The following NRG1 variants were observed in gnomAD, a reference collection of about 807,000 sequenced individuals.
NRG1 encodes pro-neuregulin-1, membrane-bound isoform.
A neutral mutation model predicts 63.8 loss-of-function variants in NRG1; 18 were observed. That is an observed-to-expected ratio of 0.28 (90% CI 0.19 to 0.42). NRG1 has a LOEUF of 0.42. Ranked by LOEUF, NRG1 falls within the 10% of genes least tolerant of loss-of-function variation. The pLI is 1.00. For missense variants in NRG1, 762 were observed against 814.7 expected (o/e 0.94, Z 0.79); for synonymous variants, 302 against 301.3 (o/e 1.00, Z -0.02).
At chr8:32,474,677 G>T (rs6983478) in intron 1 of NRG1, among the ~76,000 whole-genome samples, 86,985 of 151,222 alleles carry the variant, frequency 0.58, 25,686 homozygotes, top group African/African-American at 0.61. Flanking sequence ...GTGTGTGTGT[G>T]TTTTTTTTAG....
chr8:32,222,491 G>GA (rs1182850592), intron 1 of NRG1, among the ~76,000 whole-genome samples: 1 of 151,882 alleles, frequency 6.6e-6, no homozygotes, highest in Non-Finnish European at 1.5e-5. Context: ...AAGAAAGAAA[G>GA]AAAAAAAGAA....
Position 32,049,883 on chromosome 8 carries a change from G to A in NRG1, c.37+410452G>A, listed in dbSNP as rs182503177. On this transcript the variant is annotated intron_variant, in intron 1 of 10. Coordinates refer to the NRG1 transcript ENST00000519301. ...TCCTGATGAGCTCTGAGCCTTCTCAGTGCTATGAGTATTTACATCAGGCAG... is the reference window on the plus strand; with the variant it reads ...TCCTGATGAGCTCTGAGCCTTCTCAATGCTATGAGTATTTACATCAGGCAG... Among the ~76,000 whole-genome samples, 57 of 152,230 alleles carry A rather than the reference G, an allele frequency of 3.7e-4. 1 individual carries two copies. The East Asian group carries it at 9.7e-3, about 26-fold the overall frequency.
chr8:32,660,368 G>A (rs904181944), intron 5 of NRG1, among the ~76,000 whole-genome samples: 10 of 152,128 alleles, frequency 6.6e-5, no homozygotes, highest in African/African-American at 2.4e-4. Flanking sequence ...TTACACTGAG[G>A]GTAACTTGCT....
At chr8:32,609,647 C>A in intron 3 of NRG1, among the ~76,000 whole-genome samples, 1 of 126,366 alleles carries the variant, frequency 7.9e-6, no homozygotes, top group East Asian at 2.7e-4. Flanking sequence ...CTCTGTCTGT[C>A]TCTCTCTCTC....
intron 1 of NRG1, among the ~76,000 whole-genome samples, chr8:31,704,862 T>C (rs1810988444): frequency 6.6e-6 from 1 of 150,764 alleles, no homozygotes; most frequent in South Asian, 2.1e-4. Context: ...AATTACTTAC[T>C]ATGATTCTCT....
At chr8:31,912,406 T>C (rs1833019734) in intron 1 of NRG1, among the ~76,000 whole-genome samples, 1 of 151,994 alleles carries the variant, frequency 6.6e-6, no homozygotes, top group Non-Finnish European at 1.5e-5. Flanking sequence ...TGGCTGGCAG[T>C]GTGGGGACCC....
intron 1 of NRG1, among the ~76,000 whole-genome samples, chr8:31,922,092 T>G (rs531216540): frequency 6.6e-6 from 1 of 152,326 alleles, no homozygotes; most frequent in African/African-American, 2.4e-5. Context: ...TTTTAGGAAT[T>G]ATTCTAATGA....
At chr8:32,210,665 G>A (rs975935827) in intron 1 of NRG1, among the ~76,000 whole-genome samples, 46 of 152,286 alleles carry the variant, frequency 3.0e-4, no homozygotes, top group African/African-American at 9.6e-4. Context: ...AACACTAGCT[G>A]AATTTTCTTC....
chr8:32,402,205 G>T (rs182907154), intron 1 of NRG1, among the ~76,000 whole-genome samples: 1 of 152,206 alleles, frequency 6.6e-6, no homozygotes, highest in East Asian at 1.9e-4. Flanking sequence ...GAGCCACCAC[G>T]CCTGGCCTAA....
intron 1 of NRG1, among the ~76,000 whole-genome samples, chr8:32,406,327 T>A (rs1347782104): frequency 6.6e-6 from 1 of 152,198 alleles, no homozygotes; most frequent in African/African-American, 2.4e-5. Flanking sequence ...ATTAAATATA[T>A]CTATGCCTTT....
downstream of NRG1, among the ~76,000 whole-genome samples, chr8:32,772,053 A>G (rs1395970501): frequency 2.5e-3 from 5 of 2,036 alleles, no homozygotes; most frequent in African/African-American, 6.2e-3. Context: ...ATATATATAT[A>G]TATATATATA....
chr8:32,245,591 C>T (rs1225538999), intron 1 of NRG1, among the ~76,000 whole-genome samples: 2 of 152,128 alleles, frequency 1.3e-5, no homozygotes, highest in Non-Finnish European at 2.9e-5. Context: ...GAGCTGCTTG[C>T]TATAGTTTTC....
At chr8:32,322,373 A>G (rs973651051) in intron 1 of NRG1, among the ~76,000 whole-genome samples, 1 of 150,508 alleles carries the variant, frequency 6.6e-6, no homozygotes, top group Non-Finnish European at 1.5e-5. Context: ...ATATATATAT[A>G]TATACCCATT....
chr8:32,192,377 A>T (rs1397852186), intron 1 of NRG1, among the ~76,000 whole-genome samples: 1 of 152,192 alleles, frequency 6.6e-6, no homozygotes, highest in Non-Finnish European at 1.5e-5. Context: ...TATACATATG[A>T]TACGTATACA....
In NRG1 at chr8:31,788,402, A is replaced by G. The variant is rs1440080664; in HGVS notation, c.37+148971A>G. Among the ~76,000 whole-genome samples, 5 of 152,288 alleles carry G rather than the reference A, an allele frequency of 3.3e-5. No homozygotes were observed. In the East Asian group the frequency reaches 5.8e-4, roughly 18 times the overall value. ...TTATTTTAAATGGCTACATTAAGAT[A>G]TGGATATTTAGGCTTGAAATAAGTT... On this transcript the variant is annotated intron_variant, in intron 1 of 10. Transcript: ENST00000519301.
At chr8:32,576,909 A>G (rs1563687090) in intron 1 of NRG1, among the ~76,000 whole-genome samples, 1 of 152,110 alleles carries the variant, frequency 6.6e-6, no homozygotes, top group Non-Finnish European at 1.5e-5. Context: ...GGTACGAATG[A>G]TCCCATCACC....
At chr8:32,385,527 G>A (rs1455181425) in intron 1 of NRG1, among the ~76,000 whole-genome samples, 1 of 152,138 alleles carries the variant, frequency 6.6e-6, no homozygotes, top group Non-Finnish European at 1.5e-5. Flanking sequence ...GGTTTCTGGG[G>A]AGGCCTAGGG....
chr8:32,463,177 AATTT>A (rs1822549511), intron 1 of NRG1, among the ~76,000 whole-genome samples: 1 of 152,140 alleles, frequency 6.6e-6, no homozygotes, highest in African/African-American at 2.4e-5. Context: ...TCTATACCAC[AATTT>A]ATTTACCGCT....
intron 1 of NRG1, among the ~76,000 whole-genome samples, chr8:32,393,770 T>C (rs1812082540): frequency 6.6e-6 from 1 of 151,936 alleles, no homozygotes; most frequent in South Asian, 2.1e-4. Flanking sequence ...TCAGAAAAAA[T>C]AACTGTTGGG....
Sources: gnomAD v4.1 joint callset for allele counts (sites outside exome capture counted in the v4.1 genomes callset) on GRCh38, gnomAD v4.1.1 for gene constraint, MANE v1.5 for transcripts, NCBI Gene and HGNC (gene_info 2026-07-23, HGNC 2026-07-21) for gene names.